DPP6: variants seen among roughly 807,000 people sequenced by gnomAD.
DPP6 encodes the protein dipeptidyl peptidase like 6.
In DPP6, 69 loss-of-function variants were observed where a neutral mutation model predicts 122.6. That is an observed-to-expected ratio of 0.56 (90% confidence interval 0.46 to 0.69). The LOEUF (loss-of-function observed/expected upper bound fraction) is 0.69. Among genes scored for constraint, DPP6 ranks in the 30% least tolerant of loss-of-function variants. The pLI, the probability that DPP6 is intolerant of heterozygous loss-of-function variation, is 0.00. For missense variants in DPP6, 928 were observed against 1,116.9 expected (o/e 0.83, Z 2.41); for synonymous variants, 418 against 433.1 (o/e 0.97, Z 0.43).
intron 1 of DPP6, among the ~76,000 whole-genome samples, chr7:153,940,748 T>C (rs62484168): frequency 0.14 from 21,747 of 152,124 alleles, 1,788 homozygotes; most frequent in African/African-American, 0.22. Flanking sequence ...CAGGACTTAG[T>C]TACCACTCCA....
At chr7:153,937,698 C>T (rs1279928489) in intron 1 of DPP6, among the ~76,000 whole-genome samples, 1 of 152,130 alleles carries the variant, frequency 6.6e-6, no homozygotes, top group Non-Finnish European at 1.5e-5. Flanking sequence ...CCATCTGCCT[C>T]GCCCTCCCAG....
the DPP6 span, among the ~76,000 whole-genome samples, chr7:153,775,919 A>T: frequency 0.019 from 2,857 of 152,272 alleles, 34 homozygotes; most frequent in African/African-American, 0.036. Context: ...AGAAATTTTT[A>T]AAAAAGCTAA....
chr7:154,828,681 T>G (rs1800382827), intron 16 of DPP6, among the ~76,000 whole-genome samples: 1 of 152,142 alleles, frequency 6.6e-6, no homozygotes, highest in South Asian at 2.1e-4. Context: ...TATGCTAGAG[T>G]ATGATCATTA....
intron 1 of DPP6, among the ~76,000 whole-genome samples, chr7:154,249,663 A>T (rs887722570): frequency 2.0e-5 from 3 of 152,142 alleles, no homozygotes; most frequent in Non-Finnish European, 4.4e-5. Flanking sequence ...TGCTACTCAC[A>T]GCCTTTTGTA....
chr7:154,640,512 G>T (rs2130937269), intron 6 of DPP6, among the ~76,000 whole-genome samples: 1 of 152,298 alleles, frequency 6.6e-6, no homozygotes, highest in Middle Eastern at 3.4e-3. Flanking sequence ...CTTCCTCTTT[G>T]TCATAAGGCC....
chr7:153,779,107 T>C, the DPP6 span, among the ~76,000 whole-genome samples: 2 of 147,886 alleles, frequency 1.4e-5, no homozygotes, highest in South Asian at 4.1e-4. Flanking sequence ...TTATTTCATT[T>C]ATATAATGTT....
intron 1 of DPP6, among the ~76,000 whole-genome samples, chr7:154,250,152 G>C (rs1432620230): frequency 6.6e-6 from 1 of 152,106 alleles, no homozygotes; most frequent in Non-Finnish European, 1.5e-5. Context: ...GACTCCCTTA[G>C]AGTTGTGAGC....
chr7:154,798,720 C>A (rs1387226993), intron 12 of DPP6, among the ~76,000 whole-genome samples: 1 of 152,182 alleles, frequency 6.6e-6, no homozygotes. Flanking sequence ...TGAGTCTGCA[C>A]CTGTGAAGAT....
At chr7:154,704,764 G>C (rs1840732120) in intron 7 of DPP6, among the ~76,000 whole-genome samples, 1 of 152,202 alleles carries the variant, frequency 6.6e-6, no homozygotes, top group African/African-American at 2.4e-5. Flanking sequence ...ATCTACAGCA[G>C]AGTATAAACA....
At chr7:154,272,634 G>A (rs1803869373) in intron 1 of DPP6, among the ~76,000 whole-genome samples, 1 of 152,194 alleles carries the variant, frequency 6.6e-6, no homozygotes, top group Middle Eastern at 3.4e-3. Context: ...CAGTGTAGGG[G>A]GACTCCATTA....
chr7:153,903,335 C>G (rs62487373), intron 1 of DPP6, among the ~76,000 whole-genome samples: 36 of 152,222 alleles, frequency 2.4e-4, no homozygotes, highest in African/African-American at 7.5e-4. Flanking sequence ...ACTCAGAAGC[C>G]TTTCTTCCAA....
chr7:154,873,256 G>A (rs555982026), intron 19 of DPP6, among the ~76,000 whole-genome samples: 36 of 152,322 alleles, frequency 2.4e-4, no homozygotes, highest in Middle Eastern at 3.4e-3. Flanking sequence ...GCTAGGAGCC[G>A]GCCCAGTGCC....
At chr7:154,575,779 A>G (rs1481032576) in intron 5 of DPP6, among the ~76,000 whole-genome samples, 7 of 132,274 alleles carry the variant, frequency 5.3e-5, no homozygotes, top group African/African-American at 5.7e-5. Flanking sequence ...GTGTGTATGT[A>G]TGTGTGGTGT....
chr7:154,456,042 G>A (rs868181153), intron 2 of DPP6, among the ~76,000 whole-genome samples: 36 of 152,146 alleles, frequency 2.4e-4, no homozygotes, highest in African/African-American at 7.7e-4. Context: ...ACCAAAGGCA[G>A]CAATTCAGGA....
At position 154,875,984 on chromosome 7, in the gene DPP6, C is replaced by A. The variant is rs924792880; in HGVS notation, c.1962C>A (p.Gly654=). The change falls in exon 20 of 26, where the codon GGC becomes GGA. Residue 654 remains glycine, a synonymous_variant. Coordinates refer to ENST00000377770, the MANE Select transcript of DPP6 (RefSeq NM_130797.4). This position sits in a 1 kb window ranked among gnomAD's most constrained non-coding sequence, Gnocchi z 4.5. ...SWETVMVSSH[G]AVVVKCDGRG... is the part of the protein sequence containing the mutation. The stretch of plus-strand genomic sequence containing the variant: ...AGACGGTGATGGTGAGCAGCCACGG[C>A]GCGGTGGTGGTAAAGTGTGACGGCC... 6.2e-7 allele frequency: 1 copy of A among 1,613,472 alleles called. No homozygotes were observed. The highest frequency in any genetic ancestry group is 1.3e-5 in the African/African-American group (1 of 74,994).
chr7:154,387,600 C>T (rs915986867), intron 1 of DPP6, among the ~76,000 whole-genome samples: 10 of 152,318 alleles, frequency 6.6e-5, no homozygotes, highest in Admixed American at 5.2e-4. Flanking sequence ...GGGTCCCTAC[C>T]ATTTATTTTC....
intron 4 of DPP6, among the ~76,000 whole-genome samples, chr7:154,560,864 CAG>C (rs539283688): frequency 7.1e-6 from 1 of 140,838 alleles, no homozygotes; most frequent in South Asian, 2.2e-4. Flanking sequence ...GCCTGGGTGA[CAG>C]AGTGAGACTC....
At chr7:153,960,719 G>T (rs1389605042) in intron 1 of DPP6, among the ~76,000 whole-genome samples, 2 of 8,804 alleles carry the variant, frequency 2.3e-4, no homozygotes. Flanking sequence ...GTGTGCATGC[G>T]TGTGTGTGTG....
chr7:153,811,537 G>C, the DPP6 span, among the ~76,000 whole-genome samples: 46 of 152,254 alleles, frequency 3.0e-4, no homozygotes, highest in African/African-American at 1.0e-3. Context: ...ACTTCTTCAG[G>C]GACCCTCTGC....
Sources: allele counts gnomAD v4.1 joint callset (sites outside exome capture counted in the v4.1 genomes callset), GRCh38; gene constraint gnomAD v4.1.1; non-coding constraint Gnocchi (gnomAD v3.1); transcripts MANE v1.5; gene names NCBI Gene and HGNC (gene_info 2026-07-23, HGNC 2026-07-21).